The following TMEM233 variants were observed in gnomAD, a reference collection of about 807,000 sequenced individuals.
The protein encoded by TMEM233 is dispanin subfamily B member 2.
A neutral mutation model predicts 11.2 loss-of-function variants in TMEM233; 6 were observed. The ratio of observed to expected loss-of-function variants is 0.54; its 90% CI spans 0.29 to 1.06. TMEM233 has a LOEUF of 1.06. TMEM233 is among the 50% of genes least tolerant of loss of function. TMEM233 has a pLI of 0.08. For synonymous variants in TMEM233, 59 were observed against 55.8 expected (o/e 1.06, Z -0.26); for missense variants, 127 against 144.7 (o/e 0.88, Z 0.63).
At chr12:119,613,046 G>T (rs549264756) in intron 1 of TMEM233, among the ~76,000 whole-genome samples, 3 of 151,884 alleles carry the variant, frequency 2.0e-5, no homozygotes, top group Non-Finnish European at 4.4e-5. Flanking sequence ...GTGCCATGTT[G>T]GTTTGCTGCA....
the TMEM233 span, among the ~76,000 whole-genome samples, chr12:119,653,787 A>G: frequency 6.6e-6 from 1 of 152,124 alleles, no homozygotes; most frequent in East Asian, 1.9e-4. Context: ...AAAGATTTAA[A>G]GAAAAAAATA....
intron 2 of TMEM233, among the ~76,000 whole-genome samples, chr12:119,638,128 C>T (rs1410730888): frequency 6.6e-6 from 1 of 152,122 alleles, no homozygotes; most frequent in Non-Finnish European, 1.5e-5. Context: ...AATGCTTCAC[C>T]CTAGCTACGT....
downstream of TMEM233, among the ~76,000 whole-genome samples, chr12:119,646,192 G>A (rs931350165): frequency 5.9e-5 from 9 of 152,030 alleles, no homozygotes; most frequent in Admixed American, 4.6e-4. Flanking sequence ...CGAGTAGCTG[G>A]GACTACAGGC....
chr12:119,627,648 G>GC (rs1954792141), intron 1 of TMEM233, among the ~76,000 whole-genome samples: 1 of 152,152 alleles, frequency 6.6e-6, no homozygotes, highest in Admixed American at 6.5e-5. Context: ...ATGAGGGTCT[G>GC]CCCCCTGACC....
intron 1 of TMEM233, among the ~76,000 whole-genome samples, chr12:119,604,266 A>G (rs1171580558): frequency 6.6e-6 from 1 of 152,254 alleles, no homozygotes; most frequent in African/African-American, 2.4e-5. Flanking sequence ...GTACAGGTGC[A>G]GGAGAGGATT....
At chr12:119,650,139 T>C in the TMEM233 span, among the ~76,000 whole-genome samples, 123,406 of 146,110 alleles carry the variant, frequency 0.84, 52,248 homozygotes, top group African/African-American at 0.89. Flanking sequence ...GCCTGGGCAA[T>C]AGAGCAAGAC....
chr12:119,623,413 T>C (rs1260150106), intron 1 of TMEM233, among the ~76,000 whole-genome samples: 2 of 152,112 alleles, frequency 1.3e-5, no homozygotes, highest in African/African-American at 4.8e-5. Context: ...GGTTCTAATA[T>C]TCTATGCAGT....
intron 1 of TMEM233, among the ~76,000 whole-genome samples, chr12:119,626,445 G>T (rs1752136390): frequency 7.3e-6 from 1 of 136,076 alleles, no homozygotes; most frequent in Non-Finnish European, 1.5e-5. Flanking sequence ...ACTCCAGCCT[G>T]GGAAACAAAG....
At chr12:119,649,387 T>C in the TMEM233 span, among the ~76,000 whole-genome samples, 1 of 152,180 alleles carries the variant, frequency 6.6e-6, no homozygotes, top group African/African-American at 2.4e-5. Context: ...CAGCCTCCTT[T>C]GTGCCTGGGA....
At chr12:119,649,479 T>TA in the TMEM233 span, among the ~76,000 whole-genome samples, 42 of 152,320 alleles carry the variant, frequency 2.8e-4, no homozygotes, top group South Asian at 8.7e-3. Context: ...CTTTGCTTTT[T>TA]ATACTCTCTG....
chr12:119,599,014 G>A (rs368469702), intron 1 of TMEM233, among the ~76,000 whole-genome samples: 37 of 152,282 alleles, frequency 2.4e-4, no homozygotes, highest in Admixed American at 2.0e-3. Context: ...ACTGAGACTA[G>A]CAAATTTGAT....
chr12:119,638,511 C>G (rs1340700343), intron 2 of TMEM233, among the ~76,000 whole-genome samples: 1 of 152,076 alleles, frequency 6.6e-6, no homozygotes, highest in Non-Finnish European at 1.5e-5. Flanking sequence ...AGGGCCCACC[C>G]TGGACCAATT....
In TMEM233 at chr12:119,610,660, C is replaced by A. The variant is rs116105267; in HGVS notation, c.186+16626C>A. On this transcript the variant is annotated intron_variant, in intron 1 of 2. Coordinates refer to ENST00000426426, the MANE Select transcript of TMEM233 (RefSeq NM_001136534.3). ...TTCCCCAATTCACTTGGCACTCATT[C>A]TCTCTCCTGCTGTCCTGTAAAGAGG... is the stretch of plus-strand genomic sequence containing the variant. Among the ~76,000 whole-genome samples, 769 of 152,316 alleles carry A rather than the reference C, an allele frequency of 5.0e-3. 6 individuals carry two copies. The highest frequency in any genetic ancestry group is 0.018 in the African/African-American group (731 of 41,566).
chr12:119,616,466 G>A (rs1282476441), intron 1 of TMEM233, among the ~76,000 whole-genome samples: 2 of 152,166 alleles, frequency 1.3e-5, no homozygotes, highest in African/African-American at 2.4e-5. Flanking sequence ...CCTCAAATAC[G>A]GGTGGTTGGC....
rs111358256 is a variant in TMEM233, at chr12:119,599,825, T to C, written c.186+5791T>C. ...CCAACTCAGACAGAAGATTAGAGATTTTCTCTCTGGTAAGATTAAACAGAA... is the reference window on the plus strand; with the variant it reads ...CCAACTCAGACAGAAGATTAGAGATCTTCTCTCTGGTAAGATTAAACAGAA... On this transcript the variant is annotated intron_variant, in intron 1 of 2. Coordinates refer to ENST00000426426, the MANE Select transcript of TMEM233 (RefSeq NM_001136534.3). Among the ~76,000 whole-genome samples the C allele has an allele frequency of 3.6e-3, 549 of 152,232 alleles. 3 individuals are homozygous for C. Among genetic ancestry groups the C allele is most frequent in the African/African-American group, 0.013 (523 of 41,520 alleles).
chr12:119,628,276 C>T (rs1273616839), intron 1 of TMEM233, among the ~76,000 whole-genome samples: 2 of 151,960 alleles, frequency 1.3e-5, no homozygotes, highest in Admixed American at 6.6e-5. Context: ...TCTCCTGCCT[C>T]AGCTTCCCGA....
intron 1 of TMEM233, among the ~76,000 whole-genome samples, chr12:119,628,492 C>CTTTTTTTT (rs60789807): frequency 1.9e-5 from 1 of 52,412 alleles, no homozygotes; most frequent in African/African-American, 8.5e-5. Flanking sequence ...CCAGCTCACT[C>CTTTTTTTT]TTTTTTTTTT....
chr12:119,648,905 G>C, the TMEM233 span, among the ~76,000 whole-genome samples: 2 of 152,216 alleles, frequency 1.3e-5, no homozygotes, highest in African/African-American at 4.8e-5. Flanking sequence ...GGTATTGGCT[G>C]TAAATCCTGT....
chr12:119,617,632 G>A (rs556423012), intron 1 of TMEM233, among the ~76,000 whole-genome samples: 229 of 152,220 alleles, frequency 1.5e-3, no homozygotes, highest in Non-Finnish European at 2.8e-3. Flanking sequence ...TTAGGAGTTC[G>A]AGACCAGCCT....
Sources: gnomAD v4.1 joint callset for allele counts (sites outside exome capture counted in the v4.1 genomes callset) on GRCh38, gnomAD v4.1.1 for gene constraint, MANE v1.5 for transcripts, NCBI Gene and HGNC (gene_info 2026-07-23, HGNC 2026-07-21) for gene names.